MAPK4: variants seen among roughly 807,000 people sequenced by gnomAD.
MAPK4 encodes the protein Erk3-related.
MAPK4 carries 22 observed loss-of-function variants against 47.7 expected under a neutral mutation model. The ratio of observed to expected loss-of-function variants is 0.46; its 90% CI spans 0.33 to 0.66. The LOEUF is 0.66. Ranked by LOEUF, MAPK4 falls within the 30% of genes least tolerant of loss-of-function variation. The pLI is 0.02. For synonymous variants in MAPK4, 390 were observed against 365.7 expected (o/e 1.07, Z -0.76); for missense variants, 736 against 831.7 (o/e 0.88, Z 1.42).
chr18:50,689,428 A>G (rs1268249656), intron 2 of MAPK4, among the ~76,000 whole-genome samples: 6 of 148,546 alleles, frequency 4.0e-5, no homozygotes, highest in African/African-American at 7.5e-5. Context: ...AAAAAAAAAA[A>G]GCTATTCTGC....
At chr18:50,672,991 A>G (rs1908040917) in intron 2 of MAPK4, among the ~76,000 whole-genome samples, 1 of 152,188 alleles carries the variant, frequency 6.6e-6, no homozygotes, top group Admixed American at 6.5e-5. Context: ...TAAATGGCTC[A>G]AAGTGCTGGG....
rs957263553 is a variant in MAPK4, at chr18:50,699,024, C to CA, written c.547-16045dup. On this transcript the variant is annotated intron_variant, in intron 2 of 5. Transcript: ENST00000400384. ...TGGGCAACAGAGCAAGACTCTGTCT[C>CA]AAAAAAAAAATAAAAATTGAGTAAT... Among the ~76,000 whole-genome samples, 220 of 145,546 alleles carry CA rather than the reference C, an allele frequency of 1.5e-3. 2 individuals are homozygous for CA. Among genetic ancestry groups the CA allele is most frequent in the African/African-American group, 2.4e-3 (94 of 39,496 alleles).
rs561944491 is a variant in MAPK4 at position 50,666,968 on chromosome 18, C to T, written c.546+2464C>T. ...TGGTTCATTTTAAAACAGAGAGAAA[C>T]GGCTTTCTCAAGCTTACACAGCTGA... On this transcript the variant is annotated intron_variant, in intron 2 of 5. Transcript: ENST00000400384. Among the ~76,000 whole-genome samples, 42 of 152,298 alleles carry T rather than the reference C, an allele frequency of 2.8e-4. 1 individual carries two copies. The highest frequency in any genetic ancestry group is 2.1e-4 in the South Asian group (1 of 4,828).
intron 2 of MAPK4, among the ~76,000 whole-genome samples, chr18:50,698,016 C>A (rs1188835685): frequency 6.6e-6 from 1 of 152,196 alleles, no homozygotes; most frequent in Non-Finnish European, 1.5e-5. Context: ...ATACTCTTCT[C>A]CCCTGAAATC....
At chr18:50,577,864 C>G (rs1197745945) in intron 1 of MAPK4, among the ~76,000 whole-genome samples, 2 of 152,174 alleles carry the variant, frequency 1.3e-5, no homozygotes, top group African/African-American at 2.4e-5. Context: ...TGCCCTGTTC[C>G]TTGTATCTGC....
At chr18:50,728,028 G>T (rs145515463) in intron 5 of MAPK4, among the ~76,000 whole-genome samples, 1 of 152,200 alleles carries the variant, frequency 6.6e-6, no homozygotes, top group Admixed American at 6.5e-5. Flanking sequence ...CCCTAGCAGC[G>T]TCACTGGGAG....
At chr18:50,658,927 C>A (rs574930185) in intron 1 of MAPK4, among the ~76,000 whole-genome samples, 4 of 152,304 alleles carry the variant, frequency 2.6e-5, no homozygotes, top group African/African-American at 9.6e-5. Context: ...AGAGGATGTT[C>A]CCACGGAGTC....
chr18:50,707,018 G>A lies in MAPK4; in HGVS notation c.547-8061G>A, dbSNP rs914388669. ...AATTAGAAGACAACCACATTTCACC[G>A]AAGTGCTTTTTAAAAAGAAGCCCAA... On this transcript the variant is annotated intron_variant, in intron 2 of 5. Transcript: ENST00000400384. Among the ~76,000 whole-genome samples the A allele has an allele frequency of 3.3e-5, 5 of 152,166 alleles. No homozygotes were observed. In the South Asian group the frequency reaches 6.2e-4, roughly 19 times the overall value.
intron 2 of MAPK4, among the ~76,000 whole-genome samples, chr18:50,712,247 C>T (rs916351187): frequency 1.3e-5 from 2 of 152,076 alleles, no homozygotes; most frequent in South Asian, 2.1e-4. Context: ...GGCAACATGA[C>T]GAAACCCCAT....
chr18:50,667,931 C>A (rs1907694737), intron 2 of MAPK4, among the ~76,000 whole-genome samples: 1 of 152,200 alleles, frequency 6.6e-6, no homozygotes, highest in Admixed American at 6.5e-5. Flanking sequence ...AGACTGCCCC[C>A]TCCTTCCCAC....
chr18:50,634,445 G>A (rs1357620452), intron 1 of MAPK4, among the ~76,000 whole-genome samples: 1 of 151,966 alleles, frequency 6.6e-6, no homozygotes, highest in Non-Finnish European at 1.5e-5. Flanking sequence ...AACGGTAGCC[G>A]AACACGAGTA....
intron 2 of MAPK4, among the ~76,000 whole-genome samples, chr18:50,708,072 C>T (rs1241235463): frequency 2.0e-5 from 3 of 152,206 alleles, no homozygotes. Flanking sequence ...GTGAGCCAGG[C>T]TTTGTGATGT....
intron 1 of MAPK4, among the ~76,000 whole-genome samples, chr18:50,572,462 A>C (rs903812235): frequency 5.9e-5 from 9 of 152,212 alleles, no homozygotes; most frequent in Non-Finnish European, 1.3e-4. Context: ...TGAAGTACTT[A>C]GTTAAAAGCT....
At chr18:50,694,024 G>A (rs1388597557) in intron 2 of MAPK4, among the ~76,000 whole-genome samples, 3 of 152,244 alleles carry the variant, frequency 2.0e-5, no homozygotes, top group Admixed American at 2.0e-4. Flanking sequence ...TCTTGCCTCT[G>A]ATTCAGTGAG....
chr18:50,585,605 G>A (rs369453552), intron 1 of MAPK4, among the ~76,000 whole-genome samples: 1 of 152,132 alleles, frequency 6.6e-6, no homozygotes. Flanking sequence ...GTGCCCTGGG[G>A]TACTATTCTA....
At position 50,685,505 on chromosome 18, in the gene MAPK4, T is replaced by C. The variant is rs1438066543; in HGVS notation, c.546+21001T>C. On this transcript the variant is annotated intron_variant, in intron 2 of 5. Coordinates refer to ENST00000400384, the MANE Select transcript of MAPK4 (RefSeq NM_002747.4). Reference sequence around the variant, plus strand: ...TGCTTTACCAAGTGAGATTTTCCTGTCATCTACAAGAACGCGTAGAGAAAT... The same window carrying C: ...TGCTTTACCAAGTGAGATTTTCCTGCCATCTACAAGAACGCGTAGAGAAAT... Among the ~76,000 whole-genome samples the C allele has an allele frequency of 2.0e-5, 3 of 152,204 alleles. No individual in the cohort carries two copies. The East Asian group carries it at 5.8e-4, about 29-fold the overall frequency.
At chr18:50,577,395 T>G (rs2042307211) in intron 1 of MAPK4, among the ~76,000 whole-genome samples, 1 of 152,172 alleles carries the variant, frequency 6.6e-6, no homozygotes, top group Non-Finnish European at 1.5e-5. Context: ...AACCCCAAAT[T>G]AGGTGCATGT....
chr18:50,684,772 C>T (rs965147171), intron 2 of MAPK4, among the ~76,000 whole-genome samples: 1 of 152,018 alleles, frequency 6.6e-6, no homozygotes, highest in Non-Finnish European at 1.5e-5. Flanking sequence ...CCTGGGTGAA[C>T]AGCCTTGGGA....
chr18:50,662,497 T>G (rs1013014958), intron 1 of MAPK4, among the ~76,000 whole-genome samples: 2 of 152,126 alleles, frequency 1.3e-5, no homozygotes, highest in African/African-American at 4.8e-5. Context: ...GCAAAGAGAG[T>G]CCTTTTATTA....
Sources: allele counts gnomAD v4.1 joint callset (sites outside exome capture counted in the v4.1 genomes callset), GRCh38; gene constraint gnomAD v4.1.1; transcripts MANE v1.5; gene names NCBI Gene and HGNC (gene_info 2026-07-23, HGNC 2026-07-21).